Variants in ADGB observed in about 807,000 individuals in gnomAD.
ADGB encodes the protein calpain-7-like protein.
ADGB carries 172 observed loss-of-function variants against 210.5 expected under a neutral mutation model. That is an observed-to-expected ratio of 0.82 (90% CI 0.72 to 0.93). The LOEUF (loss-of-function observed/expected upper bound fraction) is 0.93. ADGB is among the 40% of genes least tolerant of loss of function. The probability of loss-of-function intolerance (pLI) is 0.00; values close to 1 mark genes in which losing one functional copy is unlikely to be tolerated. For missense variants in ADGB, 2,025 were observed against 1,964.8 expected (o/e 1.03, Z -0.58); for synonymous variants, 658 against 662.7 (o/e 0.99, Z 0.11).
At chr6:146,801,332 G>A (rs749965534) in intron 34 of ADGB, 53 bp downstream of exon 34, 26 of 1,116,090 alleles carry the variant, frequency 2.3e-5, no homozygotes, top group African/African-American at 4.9e-5. Flanking sequence ...TTGTTAAATC[G>A]ATTATTAAAA....
At chr6:146,807,098 T>A (rs1288943348) in intron 35 of ADGB, among the ~76,000 whole-genome samples, 2 of 152,200 alleles carry the variant, frequency 1.3e-5, no homozygotes, top group Non-Finnish European at 2.9e-5. Context: ...CTTATTAATA[T>A]CTCATATAGA....
intron 28 of ADGB, 78 bp downstream of exon 28, chr6:146,764,178 A>C: frequency 5.4e-6 from 7 of 1,308,006 alleles, no homozygotes; most frequent in Non-Finnish European, 7.3e-6. Context: ...CCCTAAAAAT[A>C]GTCAATATAC....
At chr6:146,755,013 A>C (rs1290991971) in intron 27 of ADGB, among the ~76,000 whole-genome samples, 1 of 151,452 alleles carries the variant, frequency 6.6e-6, no homozygotes, top group Non-Finnish European at 1.5e-5. Context: ...AACATCTCTA[A>C]CTCTAATATG....
At chr6:146,750,494 G>A (rs886986853) in intron 26 of ADGB, among the ~76,000 whole-genome samples, 1 of 152,030 alleles carries the variant, frequency 6.6e-6, no homozygotes, top group Non-Finnish European at 1.5e-5. Flanking sequence ...GGAGTTTGAG[G>A]TGCAGTGAGT....
rs986022996 is a variant in ADGB at position 146,740,569 on chromosome 6, C to A, written c.2999C>A (p.Pro1000Gln). ...ACTGTGACTTATCAAGAACAGCCAC[C>A]AAATTCTTGGTTTATAGTATTCAGG... ...DYTVTYQEQP[P>Q]NSWFIVFRET... Residue 1000 changes from proline (P) to glutamine (Q), a missense_variant, in exon 24 of 36, where the codon CCA (proline) becomes CAA (glutamine). By Grantham distance (76) the Pro-to-Gln change is moderately conservative. Transcript: ENST00000397944. The A allele has an allele frequency of 3.9e-6, 6 of 1,550,708 alleles. No individual in the cohort carries two copies. Among genetic ancestry groups the A allele is most frequent in the Middle Eastern group, 3.3e-4 (2 of 5,978 alleles).
chr6:146,644,273 G>A (rs1775572378), intron 2 of ADGB, among the ~76,000 whole-genome samples: 1 of 151,524 alleles, frequency 6.6e-6, no homozygotes, highest in Non-Finnish European at 1.5e-5. Context: ...TTATCTTAAA[G>A]GAAAGAAATT....
chr6:146,767,094 A>C (rs1384615555), intron 28 of ADGB, among the ~76,000 whole-genome samples: 1 of 152,216 alleles, frequency 6.6e-6, no homozygotes, highest in Non-Finnish European at 1.5e-5. Flanking sequence ...TTTTACACTT[A>C]ATGGCCAAAT....
intron 30 of ADGB, among the ~76,000 whole-genome samples, chr6:146,783,088 C>A (rs1297952011): frequency 1.3e-5 from 2 of 151,906 alleles, no homozygotes; most frequent in East Asian, 3.9e-4. Flanking sequence ...GTAATCTAAG[C>A]AAAAGAGTGC....
chr6:146,752,744 A>C, intron 27 of ADGB, 30 bp downstream of exon 27: 1 of 1,478,862 alleles, frequency 6.8e-7, no homozygotes, highest in Non-Finnish European at 9.0e-7. Flanking sequence ...CAGGATAGTT[A>C]GATTCATAAA....
chr6:146,658,890 A>G (rs1228597094), intron 5 of ADGB, among the ~76,000 whole-genome samples: 1 of 152,174 alleles, frequency 6.6e-6, no homozygotes, highest in East Asian at 1.9e-4. Flanking sequence ...AGGAATGCCT[A>G]CAGAGGATGC....
Position 146,746,225 on chromosome 6 carries a change from C to A in ADGB, c.3365+116C>A, listed in dbSNP as rs912794230. The A allele has an allele frequency of 2.3e-5, 17 of 732,052 alleles. No individual in the cohort carries two copies. The African/African-American group carries it at 3.0e-4, about 13-fold the overall frequency. The allele number at this position is 732,052 out of a possible 1,614,324, so 45.3% of individuals were successfully genotyped here. ...GGTTTTGAATTTCAAATTCCATATT[C>A]TTTTTGGAAACAATTAATTGAGTGT... is the stretch of plus-strand genomic sequence containing the variant. On this transcript the variant is annotated intron_variant, in intron 26 of 35. Coordinates refer to ENST00000397944, the MANE Select transcript of ADGB (RefSeq NM_024694.4).
At chr6:146,746,146 A>T (rs765470466) in intron 26 of ADGB, 37 bp downstream of exon 26, 68 of 1,349,962 alleles carry the variant, frequency 5.0e-5, no homozygotes, top group Middle Eastern at 2.0e-4. Flanking sequence ...GGCATTTTTT[A>T]AAAAATATTA....
chr6:146,667,976 T>C (rs1157897078), intron 7 of ADGB, among the ~76,000 whole-genome samples: 5 of 152,036 alleles, frequency 3.3e-5, no homozygotes, highest in African/African-American at 1.2e-4. Context: ...AGTCTTTCTT[T>C]CATGTGATTC....
At chr6:146,704,474 A>G (rs1213481230) in intron 13 of ADGB, among the ~76,000 whole-genome samples, 1 of 151,986 alleles carries the variant, frequency 6.6e-6, no homozygotes, top group East Asian at 1.9e-4. Flanking sequence ...TTCTTAATGC[A>G]TTTTGAGTTA....
intron 22 of ADGB, among the ~76,000 whole-genome samples, chr6:146,735,639 C>T (rs1777068651): frequency 6.6e-6 from 1 of 152,100 alleles, no homozygotes; most frequent in Non-Finnish European, 1.5e-5. Context: ...GTAAAATATG[C>T]TTTTATTGTC....
At chr6:146,680,088 C>T (rs1375932437) in intron 9 of ADGB, among the ~76,000 whole-genome samples, 1 of 152,134 alleles carries the variant, frequency 6.6e-6, no homozygotes, top group Non-Finnish European at 1.5e-5. Flanking sequence ...GCTAGCTTTT[C>T]ACAATTTCCT....
chr6:146,672,159 C>G (rs113413507), intron 7 of ADGB, 61 bp from the exon 8 acceptor site: 6 of 1,436,056 alleles, frequency 4.2e-6, no homozygotes, highest in Non-Finnish European at 5.5e-6. Context: ...TAATTTCTTG[C>G]GAAGTTCAAG....
At chr6:146,803,591 C>G (rs1778164003) in intron 35 of ADGB, 6 of 1,389,258 alleles carry the variant, frequency 4.3e-6, no homozygotes, top group Non-Finnish European at 5.1e-6. Flanking sequence ...GACTTCTTAA[C>G]CTCCTTCATG....
intron 1 of ADGB, among the ~76,000 whole-genome samples, chr6:146,613,984 C>T (rs1780748144): frequency 6.6e-6 from 1 of 151,238 alleles, no homozygotes; most frequent in Non-Finnish European, 1.5e-5. Flanking sequence ...TTTGATATGC[C>T]AAGAATAGAT....
Sources: allele counts gnomAD v4.1 joint callset (sites outside exome capture counted in the v4.1 genomes callset), GRCh38; gene constraint gnomAD v4.1.1; transcripts MANE v1.5; gene names NCBI Gene and HGNC (gene_info 2026-07-23, HGNC 2026-07-21).